Variants in WWOX observed in about 807,000 individuals in gnomAD.
WWOX encodes WW domain containing oxidoreductase, also known as WW domain-containing oxidoreductase.
WWOX carries 69 observed loss-of-function variants against 46.2 expected under a neutral mutation model. That is an observed-to-expected ratio of 1.49 (90% CI 1.23 to 1.82). The LOEUF (loss-of-function observed/expected upper bound fraction) is 1.82, where lower values mean the gene tolerates loss of function less well. Ranked by LOEUF, WWOX falls within the 40% of genes most tolerant of loss-of-function variation. The pLI is 0.00. For missense variants in WWOX, 919 were observed against 542.6 expected (o/e 1.69, Z -6.89); for synonymous variants, 359 against 202.6 (o/e 1.77, Z -6.56).
intron 8 of WWOX, among the ~76,000 whole-genome samples, chr16:78,474,929 C>T (rs1248623052): frequency 6.6e-6 from 1 of 152,126 alleles, no homozygotes; most frequent in Non-Finnish European, 1.5e-5. Flanking sequence ...CTTACAAATA[C>T]ATTTTTCAAA....
intron 8 of WWOX, among the ~76,000 whole-genome samples, chr16:78,629,542 G>C (rs770743638): frequency 4.6e-5 from 7 of 152,128 alleles, no homozygotes; most frequent in Admixed American, 4.6e-4. Flanking sequence ...ATATCCCTTA[G>C]GATAAAATAA....
intron 8 of WWOX, among the ~76,000 whole-genome samples, chr16:79,116,206 G>C (rs955299949): frequency 6.6e-6 from 1 of 152,160 alleles, no homozygotes; most frequent in Non-Finnish European, 1.5e-5. Flanking sequence ...TCAAGTTGGC[G>C]GTTGCTGAAG....
chr16:78,370,834 C>T (rs187343004), intron 5 of WWOX, among the ~76,000 whole-genome samples: 1,675 of 146,602 alleles, frequency 0.011, 13 homozygotes, highest in Middle Eastern at 0.039. Flanking sequence ...CAGTTTTTCT[C>T]AGCCTATTCT....
intron 8 of WWOX, among the ~76,000 whole-genome samples, chr16:78,864,866 G>A (rs1409135644): frequency 1.4e-5 from 2 of 141,150 alleles, no homozygotes; most frequent in African/African-American, 5.3e-5. Flanking sequence ...GGGTTCAAGC[G>A]ATTCTCCTGC....
intron 5 of WWOX, among the ~76,000 whole-genome samples, chr16:78,372,502 C>A (rs1162591217): frequency 6.6e-6 from 1 of 152,090 alleles, no homozygotes; most frequent in Non-Finnish European, 1.5e-5. Context: ...AGGTAAAGAA[C>A]CTTGTAGTAA....
chr16:78,392,608 C>A (rs1033418800), intron 6 of WWOX, among the ~76,000 whole-genome samples: 1 of 152,052 alleles, frequency 6.6e-6, no homozygotes, highest in Non-Finnish European at 1.5e-5. Flanking sequence ...CTAGAGATTT[C>A]TGCAGTCTGT....
At chr16:79,032,944 A>C (rs1038104501) in intron 8 of WWOX, among the ~76,000 whole-genome samples, 1 of 151,214 alleles carries the variant, frequency 6.6e-6, no homozygotes, top group African/African-American at 2.4e-5. Context: ...GGTAGGCCCC[A>C]GTGTCTTTTG....
chr16:78,230,822 T>G (rs543485410), intron 5 of WWOX, among the ~76,000 whole-genome samples: 12 of 152,240 alleles, frequency 7.9e-5, no homozygotes, highest in Non-Finnish European at 1.8e-4. Flanking sequence ...TATCACAATA[T>G]GTGTTCTCAC....
chr16:78,471,952 T>G (rs62034129), intron 8 of WWOX, among the ~76,000 whole-genome samples: 2 of 152,236 alleles, frequency 1.3e-5, no homozygotes, highest in Non-Finnish European at 2.9e-5. Context: ...CAAATACTAT[T>G]AATGCAAAAT....
At chr16:78,115,279 T>C (rs1323998801) in intron 4 of WWOX, 125 bp downstream of exon 4, 12 of 1,150,454 alleles carry the variant, frequency 1.0e-5, no homozygotes, top group Admixed American at 6.0e-5. Flanking sequence ...TTTTCAGATA[T>C]CGTTTCATTA....
intron 8 of WWOX, among the ~76,000 whole-genome samples, chr16:78,924,100 A>T (rs182530446): frequency 6.6e-4 from 101 of 152,158 alleles, no homozygotes; most frequent in Middle Eastern, 3.4e-3. Flanking sequence ...TACAGACATG[A>T]GCCGCTGTGC....
intron 8 of WWOX, among the ~76,000 whole-genome samples, chr16:79,047,931 C>T (rs1173579251): frequency 6.6e-6 from 1 of 152,014 alleles, no homozygotes; most frequent in African/African-American, 2.4e-5. Flanking sequence ...GAGCAATTAC[C>T]TAGCACAAAA....
chr16:78,445,764 G>C (rs2083544354), intron 8 of WWOX, among the ~76,000 whole-genome samples: 2 of 151,920 alleles, frequency 1.3e-5, no homozygotes, highest in African/African-American at 4.8e-5. Flanking sequence ...TGTAGTCCCA[G>C]CTACTCTAGA....
In WWOX at chr16:78,647,700, AG is replaced by A. The variant is rs774661834; in HGVS notation, c.1056+214951del. On this transcript the variant is annotated intron_variant, in intron 8 of 8. Coordinates refer to ENST00000566780, the MANE Select transcript of WWOX (RefSeq NM_016373.4). ...CTTCTTATACCTCAAAATAGTCTGC[AG>A]GGTGACTCAGAAGCTCCTGGCTGGT... is the stretch of plus-strand genomic sequence containing the variant. 1.2e-4 allele frequency among the ~76,000 whole-genome samples: 19 copies of A among 152,220 alleles called. 1 individual carries two copies. Among genetic ancestry groups the A allele is most frequent in the Non-Finnish European group, 2.4e-4 (16 of 68,038 alleles).
intron 5 of WWOX, among the ~76,000 whole-genome samples, chr16:78,174,312 C>T (rs905195296): frequency 6.6e-6 from 1 of 152,164 alleles, no homozygotes; most frequent in African/African-American, 2.4e-5. Flanking sequence ...GCCTGATAAA[C>T]CCATCAGATC....
At chr16:78,656,897 C>A (rs1278572520) in intron 8 of WWOX, among the ~76,000 whole-genome samples, 1 of 152,178 alleles carries the variant, frequency 6.6e-6, no homozygotes, top group Non-Finnish European at 1.5e-5. Flanking sequence ...CACAGCCGCT[C>A]TGTTTAGGGA....
intron 8 of WWOX, among the ~76,000 whole-genome samples, chr16:78,887,841 G>A (rs1429555018): frequency 6.6e-6 from 1 of 152,178 alleles, no homozygotes; most frequent in Non-Finnish European, 1.5e-5. Flanking sequence ...CTCTTTAAGT[G>A]TTTAACAGTA....
intron 8 of WWOX, among the ~76,000 whole-genome samples, chr16:78,589,555 G>A (rs74029579): frequency 0.036 from 5,414 of 152,152 alleles, 306 homozygotes; most frequent in African/African-American, 0.12. Context: ...ACTCTTCAGC[G>A]CCTCCCTAAT....
intron 5 of WWOX, among the ~76,000 whole-genome samples, chr16:78,229,672 G>T (rs2151806119): frequency 6.6e-6 from 1 of 152,008 alleles, no homozygotes; most frequent in East Asian, 1.9e-4. Context: ...TGTTTTGGGG[G>T]CTAATTAAGT....
Sources: allele counts gnomAD v4.1 joint callset (sites outside exome capture counted in the v4.1 genomes callset), GRCh38; gene constraint gnomAD v4.1.1; transcripts MANE v1.5; gene names NCBI Gene and HGNC (gene_info 2026-07-23, HGNC 2026-07-21).